The following ENDOD1 variants were observed in gnomAD, a reference collection of about 807,000 sequenced individuals.
The protein encoded by ENDOD1 is endonuclease domain-containing 1 protein.
A neutral mutation model predicts 6.5 loss-of-function variants in ENDOD1; 9 were observed. The ratio of observed to expected loss-of-function variants is 1.39; its 90% CI spans 0.84 to 2.43. ENDOD1 has a LOEUF of 2.43. Among genes scored for constraint, ENDOD1 ranks in the 30% most tolerant of loss-of-function variants. The pLI is 0.00. For synonymous variants in ENDOD1, 255 were observed against 255.2 expected (o/e 1.00, Z 0.01); for missense variants, 648 against 635.5 (o/e 1.02, Z -0.21).
At chr11:95,114,085 A>G (rs1555112225) in intron 1 of ENDOD1, among the ~76,000 whole-genome samples, 1 of 152,140 alleles carries the variant, frequency 6.6e-6, no homozygotes, top group African/African-American at 2.4e-5. Context: ...AGAAATGTCT[A>G]TTCAAATCTT....
At chr11:95,094,036 C>T (rs1298959821) in intron 1 of ENDOD1, among the ~76,000 whole-genome samples, 3 of 151,762 alleles carry the variant, frequency 2.0e-5, no homozygotes, top group Non-Finnish European at 4.4e-5. Flanking sequence ...GCCAATGATA[C>T]CTTTCTAAAG....
intron 1 of ENDOD1, among the ~76,000 whole-genome samples, chr11:95,122,017 A>T (rs1565448530): frequency 6.6e-6 from 1 of 152,188 alleles, no homozygotes; most frequent in Non-Finnish European, 1.5e-5. Context: ...AGAAATTGCC[A>T]TCTGAAATAA....
At chr11:95,116,569 C>G (rs183173397) in intron 1 of ENDOD1, among the ~76,000 whole-genome samples, 8 of 152,240 alleles carry the variant, frequency 5.3e-5, no homozygotes, top group Non-Finnish European at 1.2e-4. Context: ...CTTTAAGATG[C>G]AACATTAGGC....
chr11:95,107,431 T>C (rs1345560476), intron 1 of ENDOD1, among the ~76,000 whole-genome samples: 1 of 152,042 alleles, frequency 6.6e-6, no homozygotes, highest in Non-Finnish European at 1.5e-5. Flanking sequence ...GAACCTTTGA[T>C]CTTGTCTGAA....
chr11:95,089,924 C>T lies in ENDOD1; in HGVS notation c.-4C>T. On this transcript the variant is annotated 5_prime_UTR_variant, in exon 1 of 2. Transcript: ENST00000278505. ...TCGGCCCCGCCGCGCTCGCAGAGGC[C>T]GCCATGGGCACCGCGCGCTGGCTCG... is the stretch of plus-strand genomic sequence containing the variant. The T allele has an allele frequency of 7.2e-7, 1 of 1,389,482 alleles. No individual in the cohort carries two copies. Among genetic ancestry groups the T allele is most frequent in the South Asian group, 1.7e-5 (1 of 60,212 alleles). 86.1% of individuals were successfully genotyped at this position (1,389,482 alleles called of 1,614,324 possible).
intron 1 of ENDOD1, among the ~76,000 whole-genome samples, chr11:95,094,094 T>C (rs1858957407): frequency 6.7e-6 from 1 of 150,346 alleles, no homozygotes; most frequent in South Asian, 2.1e-4. Context: ...CTCTATCATT[T>C]TATAAACATG....
At chr11:95,112,209 T>A (rs1859158208) in intron 1 of ENDOD1, among the ~76,000 whole-genome samples, 1 of 152,226 alleles carries the variant, frequency 6.6e-6, no homozygotes, top group South Asian at 2.1e-4. Flanking sequence ...CAACTGATTC[T>A]CCTTATAGCA....
chr11:95,116,088 G>A (rs888977217), intron 1 of ENDOD1, among the ~76,000 whole-genome samples: 1 of 152,102 alleles, frequency 6.6e-6, no homozygotes, highest in Non-Finnish European at 1.5e-5. Flanking sequence ...TAAGTGCCTG[G>A]TAGAATTCAG....
chr11:95,127,850 C>A (rs973644193), intron 1 of ENDOD1, among the ~76,000 whole-genome samples: 1 of 152,110 alleles, frequency 6.6e-6, no homozygotes. Flanking sequence ...ACCTCTGCCT[C>A]CCCGGTTCAA....
At chr11:95,094,049 C>T (rs993426020) in intron 1 of ENDOD1, among the ~76,000 whole-genome samples, 1 of 151,644 alleles carries the variant, frequency 6.6e-6, no homozygotes, top group Non-Finnish European at 1.5e-5. Flanking sequence ...TTCTAAAGTG[C>T]ATTGCTGATT....
intron 1 of ENDOD1, among the ~76,000 whole-genome samples, chr11:95,117,745 T>G (rs1477958660): frequency 6.6e-6 from 1 of 152,210 alleles, no homozygotes; most frequent in Non-Finnish European, 1.5e-5. Context: ...TTGGAGAGTT[T>G]AGTCCATTTA....
intron 1 of ENDOD1, among the ~76,000 whole-genome samples, chr11:95,105,725 C>T (rs1555111349): frequency 6.6e-6 from 1 of 152,202 alleles, no homozygotes; most frequent in Non-Finnish European, 1.5e-5. Context: ...CTAGCTTCAT[C>T]CATGTCCCTG....
chr11:95,122,440 G>GC (rs57018353), intron 1 of ENDOD1, among the ~76,000 whole-genome samples: 148,596 of 148,856 alleles, frequency 1, 74,168 homozygotes, highest in East Asian at 1. Context: ...CACCATGTTG[G>GC]CAGGCTGGTC....
intron 1 of ENDOD1, among the ~76,000 whole-genome samples, chr11:95,119,601 GGT>G (rs1390764794): frequency 1.3e-5 from 2 of 152,212 alleles, no homozygotes; most frequent in African/African-American, 4.8e-5. Context: ...CTAGGACTGT[GGT>G]GGGTCAGACC....
chr11:95,094,708 C>A (rs1485545217), intron 1 of ENDOD1, among the ~76,000 whole-genome samples: 1 of 152,178 alleles, frequency 6.6e-6, no homozygotes, highest in African/African-American at 2.4e-5. Context: ...CCAACCTCAG[C>A]CTTCTTTTCA....
intron 1 of ENDOD1, among the ~76,000 whole-genome samples, chr11:95,125,474 G>T (rs563530373): frequency 2.0e-5 from 3 of 152,092 alleles, no homozygotes; most frequent in Middle Eastern, 6.8e-3. Flanking sequence ...TTAAGTTTTA[G>T]GGTACATGTG....
chr11:95,127,374 A>G (rs538833910), intron 1 of ENDOD1, among the ~76,000 whole-genome samples: 1 of 152,248 alleles, frequency 6.6e-6, no homozygotes, highest in East Asian at 1.9e-4. Context: ...TATATAGCAC[A>G]TGTCTAGATT....
intron 1 of ENDOD1, among the ~76,000 whole-genome samples, chr11:95,114,300 GGTTT>G (rs1859180934): frequency 6.8e-6 from 1 of 147,488 alleles, no homozygotes; most frequent in African/African-American, 2.7e-5. Flanking sequence ...GTAGAGACGG[GGTTT>G]CACTATGTCG....
rs781825873 is a variant in ENDOD1, at chr11:95,090,161, C to CTCCGCGT, written c.241_247dup (p.Ala83ValfsTer23). 4.8e-6 allele frequency: 7 copies of CTCCGCGT among 1,462,656 alleles called. No homozygotes were observed. Among genetic ancestry groups the CTCCGCGT allele is most frequent in the African/African-American group, 4.4e-5 (3 of 68,398 alleles). The allele number at this position is 1,462,656 out of a possible 1,614,324, so 90.6% of individuals were successfully genotyped here. A position where few individuals can be genotyped will look rare whatever the true frequency, so the allele number is the denominator to read the frequency against. ...GCACCCGGGACCGCATCCCCGTGTA[C>CTCCGCGT]TCCGCGTTCCGCGCCCCGCGCCCTG... On this transcript the variant is annotated frameshift_variant, in exon 1 of 2. Transcript: ENST00000278505. LOFTEE classifies it high-confidence loss of function.
Sources: allele counts gnomAD v4.1 joint callset (sites outside exome capture counted in the v4.1 genomes callset), GRCh38; gene constraint gnomAD v4.1.1; transcripts MANE v1.5; gene names NCBI Gene and HGNC (gene_info 2026-07-23, HGNC 2026-07-21).